Variants in PDE3A observed in about 807,000 individuals in gnomAD.
PDE3A encodes phosphodiesterase 3A.
PDE3A carries 43 observed loss-of-function variants against 98.3 expected under a neutral mutation model. The ratio of observed to expected loss-of-function variants is 0.44; its 90% CI spans 0.34 to 0.56. PDE3A has a LOEUF of 0.56. Ranked by LOEUF, PDE3A falls within the 20% of genes least tolerant of loss-of-function variation. The probability of loss-of-function intolerance (pLI) is 0.01; values close to 1 mark genes in which losing one functional copy is unlikely to be tolerated. For missense variants in PDE3A, 1,427 were observed against 1,440.7 expected (o/e 0.99, Z 0.15); for synonymous variants, 663 against 567.9 (o/e 1.17, Z -2.38).
chr12:20,434,836 T>C (rs1055581194), intron 1 of PDE3A, among the ~76,000 whole-genome samples: 2 of 152,192 alleles, frequency 1.3e-5, no homozygotes, highest in Non-Finnish European at 2.9e-5. Context: ...GATCATATTT[T>C]TTCAGATACT....
chr12:20,386,174 AATATATATAAATATATATAAATAT>A lies in PDE3A; in HGVS notation c.960+15934_960+15957del, dbSNP rs1565532698. On this transcript the variant is annotated intron_variant, in intron 1 of 15. Transcript: ENST00000359062. ...ATATAAATATATATAAATATATAAA[AATATATATAAATATATATAAATAT>A]ATAAAAATATATATAAATATATAAA... Among the ~76,000 whole-genome samples, 7 of 75,280 alleles carry A rather than the reference AATATATATAAATATATATAAATAT, an allele frequency of 9.3e-5. 1 individual carries two copies. In the East Asian group the frequency reaches 2.1e-3, roughly 23 times the overall value. The allele number at this position is 75,280 out of a possible 152,430, so 49.4% of individuals were successfully genotyped here. A position where few individuals can be genotyped will look rare whatever the true frequency, so the allele number is the denominator to read the frequency against.
intron 1 of PDE3A, among the ~76,000 whole-genome samples, chr12:20,485,449 A>AG (rs1565564269): frequency 6.6e-6 from 1 of 151,528 alleles, no homozygotes; most frequent in African/African-American, 2.4e-5. Context: ...GTTTTTTTTT[A>AG]GGGGGGACAC....
Position 20,552,109 on chromosome 12 carries a change from G to C in PDE3A, c.961-4551G>C, listed in dbSNP as rs985915677. 3.7e-6 allele frequency: 6 copies of C among 1,613,102 alleles called. No individual in the cohort carries two copies. The African/African-American group carries it at 8.0e-5, about 22-fold the overall frequency. ...GCTTTCCGGCAACAAGAGGACCGCG[G>C]AACAGTCTTGTGATCAGAAACTCAC... On this transcript the variant is annotated intron_variant, in intron 1 of 15. Coordinates refer to ENST00000359062, the MANE Select transcript of PDE3A (RefSeq NM_000921.5). This position sits in a 1 kb window ranked among gnomAD's most constrained non-coding sequence, Gnocchi z 5.1.
chr12:20,623,117 T>C (rs998164832), intron 5 of PDE3A, among the ~76,000 whole-genome samples: 1 of 152,104 alleles, frequency 6.6e-6, no homozygotes, highest in Non-Finnish European at 1.5e-5. Context: ...AATAGCATAG[T>C]AGACTACTGA....
intron 1 of PDE3A, among the ~76,000 whole-genome samples, chr12:20,492,532 G>T (rs1039792470): frequency 2.0e-5 from 3 of 152,070 alleles, no homozygotes; most frequent in Admixed American, 6.6e-5. Context: ...GGCAACCTGG[G>T]TGCCCAAAAA....
At chr12:20,538,939 C>T (rs939164022) in intron 1 of PDE3A, among the ~76,000 whole-genome samples, 1 of 143,304 alleles carries the variant, frequency 7.0e-6, no homozygotes, top group African/African-American at 2.5e-5. Flanking sequence ...AACCACCACA[C>T]CTAGCCTTAT....
intron 1 of PDE3A, among the ~76,000 whole-genome samples, chr12:20,372,506 A>C (rs1943493840): frequency 1.3e-5 from 2 of 152,124 alleles, no homozygotes; most frequent in South Asian, 4.1e-4. Flanking sequence ...AAACTAACAC[A>C]GTGTACTATC....
At chr12:20,371,379 A>G (rs900649865) in intron 1 of PDE3A, 23 of 984,854 alleles carry the variant, frequency 2.3e-5, no homozygotes, top group Non-Finnish European at 3.6e-6. Context: ...CTGGTTGGAT[A>G]CAGCAAGTGG....
At chr12:20,627,695 T>G (rs1234576198) in intron 5 of PDE3A, among the ~76,000 whole-genome samples, 1 of 152,186 alleles carries the variant, frequency 6.6e-6, no homozygotes, top group African/African-American at 2.4e-5. Flanking sequence ...ATTTTCTTTT[T>G]TATTGACTTT....
intron 2 of PDE3A, among the ~76,000 whole-genome samples, chr12:20,596,878 T>TA (rs944755393): frequency 1.7e-4 from 26 of 152,044 alleles, no homozygotes; most frequent in East Asian, 9.7e-4. Context: ...AGTGTTTATT[T>TA]AAAAAAAATA....
chr12:20,676,350 T>A (rs988943226), intron 15 of PDE3A, among the ~76,000 whole-genome samples: 9 of 152,074 alleles, frequency 5.9e-5, no homozygotes, highest in African/African-American at 2.2e-4. Context: ...GGGTATATGG[T>A]TTTTTCTTTC....
intron 3 of PDE3A, among the ~76,000 whole-genome samples, chr12:20,615,755 TG>T (rs1350432808): frequency 5.9e-5 from 9 of 152,152 alleles, no homozygotes; most frequent in African/African-American, 2.2e-4. Flanking sequence ...GACAGACTTC[TG>T]CTCTTGTCAC....
intron 2 of PDE3A, among the ~76,000 whole-genome samples, chr12:20,560,630 G>T (rs58250255): frequency 8.9e-4 from 136 of 152,262 alleles, no homozygotes; most frequent in African/African-American, 3.1e-3. Flanking sequence ...CAGCAAGAGT[G>T]ATTTATTTAT....
intron 1 of PDE3A, among the ~76,000 whole-genome samples, chr12:20,381,764 T>A (rs1591863377): frequency 6.6e-6 from 1 of 152,074 alleles, no homozygotes; most frequent in East Asian, 1.9e-4. Context: ...ATTAAAAATG[T>A]CGGCAAGTAA....
intron 2 of PDE3A, among the ~76,000 whole-genome samples, chr12:20,596,551 G>A (rs1943471059): frequency 6.6e-6 from 1 of 152,086 alleles, no homozygotes; most frequent in African/African-American, 2.4e-5. Context: ...CCACCTAAGA[G>A]GAAAATGAAG....
chr12:20,444,759 T>C (rs1260067769), intron 1 of PDE3A, among the ~76,000 whole-genome samples: 3 of 152,156 alleles, frequency 2.0e-5, no homozygotes, highest in Admixed American at 1.3e-4. Context: ...GCATGCCTGG[T>C]GCACTAAAAC....
chr12:20,574,864 G>A (rs1592071623), intron 2 of PDE3A, among the ~76,000 whole-genome samples: 1 of 152,104 alleles, frequency 6.6e-6, no homozygotes, highest in East Asian at 1.9e-4. Context: ...ACAGTAAAGG[G>A]AGATTATACT....
chr12:20,407,348 A>G (rs1174157555), intron 1 of PDE3A, among the ~76,000 whole-genome samples: 2 of 152,228 alleles, frequency 1.3e-5, no homozygotes, highest in African/African-American at 4.8e-5. Context: ...TAGGTTCAGC[A>G]TGGTTATTCA....
intron 1 of PDE3A, among the ~76,000 whole-genome samples, chr12:20,427,693 A>T (rs1016430091): frequency 1.3e-5 from 2 of 152,154 alleles, no homozygotes; most frequent in African/African-American, 4.8e-5. Flanking sequence ...TACATTTAAT[A>T]CATTAATACA....
Sources: gnomAD v4.1 joint callset for allele counts (sites outside exome capture counted in the v4.1 genomes callset) on GRCh38, gnomAD v4.1.1 for gene constraint, Gnocchi (gnomAD v3.1) non-coding constraint, MANE v1.5 for transcripts, NCBI Gene and HGNC (gene_info 2026-07-23, HGNC 2026-07-21) for gene names.